The following STAB1 variants were observed in gnomAD, a reference collection of about 807,000 sequenced individuals.
The protein encoded by STAB1 is stabilin-1.
STAB1 carries 250 observed loss-of-function variants against 332.4 expected under a neutral mutation model. That is an observed-to-expected ratio of 0.75 (90% CI 0.68 to 0.84). The LOEUF (loss-of-function observed/expected upper bound fraction) is 0.84, where lower values mean the gene tolerates loss of function less well. Among genes scored for constraint, STAB1 ranks in the 40% least tolerant of loss-of-function variants. The pLI is 0.00. For synonymous variants in STAB1, 1,475 were observed against 1,390.4 expected (o/e 1.06, Z -1.35); for missense variants, 3,249 against 3,489.7 (o/e 0.93, Z 1.74).
In STAB1 at chr3:52,504,457, C is replaced by A. The variant is rs763459446; in HGVS notation, c.1151-4C>A. On this transcript the variant is annotated splice_region_variant and splice_polypyrimidine_tract_variant and intron_variant, in intron 10 of 68. Transcript: ENST00000321725. ...TTCTGATGCTCCCTCACCCTGCCCCCCAGACCAGGGCTGCCGGGAAATCCT... is the reference window on the plus strand; with the variant it reads ...TTCTGATGCTCCCTCACCCTGCCCCACAGACCAGGGCTGCCGGGAAATCCT... The A allele has an allele frequency of 4.3e-6, 7 of 1,613,810 alleles. No individual in the cohort carries two copies. In the African/African-American group the frequency reaches 6.7e-5, roughly 15 times the overall value.
rs1375163046 is a variant in STAB1 at position 52,520,623 on chromosome 3, T to G, written c.5650-19T>G. On this transcript the variant is annotated intron_variant, in intron 53 of 68. Coordinates refer to ENST00000321725, the MANE Select transcript of STAB1 (RefSeq NM_015136.3). ...GTCCATCCACCTGACTTTGCTGTAT[T>G]GGCCTCCCTCCCTTCCAGAACACCT... 1 of 1,612,346 alleles carries G rather than the reference T, an allele frequency of 6.2e-7. No homozygotes were observed. Among genetic ancestry groups the G allele is most frequent in the Admixed American group, 1.7e-5 (1 of 59,988 alleles).
At chr3:52,520,732 G>C in intron 54 of STAB1, 34 bp downstream of exon 54, 1 of 1,609,386 alleles carries the variant, frequency 6.2e-7, no homozygotes. Flanking sequence ...GGGTGGTGGG[G>C]TGGGGGCAGG....
In STAB1 at chr3:52,497,315, T is replaced by C. The variant is rs372694699; in HGVS notation, c.78+1824T>C. ...CCATGTTCAGACTTTTCTATGTACA[T>C]AGCATTTACATTGTATTCGGTATTA... On this transcript the variant is annotated intron_variant, in intron 1 of 68. Coordinates refer to ENST00000321725, the MANE Select transcript of STAB1 (RefSeq NM_015136.3). Among the ~76,000 whole-genome samples, 21 of 151,842 alleles carry C rather than the reference T, an allele frequency of 1.4e-4. No individual in the cohort carries two copies. The South Asian group carries it at 2.5e-3, about 18-fold the overall frequency.
chr3:52,518,228 A>G, intron 45 of STAB1, 84 bp from the exon 46 acceptor site: 1 of 1,592,922 alleles, frequency 6.3e-7, no homozygotes, highest in Non-Finnish European at 8.6e-7. Flanking sequence ...TGCCTTGGCT[A>G]GACCTTGGGC....
chr3:52,514,030 C>A, intron 32 of STAB1, 49 bp downstream of exon 32: 1 of 1,593,058 alleles, frequency 6.3e-7, no homozygotes, highest in Non-Finnish European at 8.6e-7. Flanking sequence ...GGACACTGTG[C>A]CCCAGGTCCA....
chr3:52,502,025 G>C lies in STAB1; in HGVS notation c.351G>C (p.Glu117Asp). 2 of 1,612,920 alleles carry C rather than the reference G, an allele frequency of 1.2e-6. No individual in the cohort carries two copies. Among genetic ancestry groups the C allele is most frequent in the Non-Finnish European group, 1.7e-6 (2 of 1,180,000 alleles). ...SRCHECPGGA[E>D]TPCNGHGTCL... ...CCACAGAATGCCCTGGGGGCGCTGA[G>C]ACCCCATGCAATGGCCACGGGACCT... is the stretch of plus-strand genomic sequence containing the variant. The change falls in exon 4 of 69, where the codon GAG becomes GAC. Residue 117 changes from glutamate to aspartate, a missense_variant. Coordinates refer to ENST00000321725, the MANE Select transcript of STAB1 (RefSeq NM_015136.3).
intron 10 of STAB1, 135 bp downstream of exon 10, chr3:52,504,290 G>T (rs534959434): frequency 6.9e-7 from 1 of 1,448,874 alleles, no homozygotes; most frequent in African/African-American, 1.4e-5. Flanking sequence ...TGTGGGGGGT[G>T]CATGCAGGGG....
Position 52,512,433 on chromosome 3 carries a change from C to G in STAB1, c.2976C>G (p.Phe992Leu), listed in dbSNP as rs1709364828. 6.2e-7 allele frequency: 1 copy of G among 1,610,200 alleles called. No individual in the cohort carries two copies. The highest frequency in any genetic ancestry group is 1.3e-5 in the African/African-American group (1 of 74,648). ...GDGFSCYGDI[F>L]RELEANAHFS... is the part of the protein sequence containing the mutation. Reference sequence around the variant, plus strand: ...GCTTCAGCTGTTATGGAGACATCTTCCGGGTAAGGGGTGCTCAGACTCGTT... The same window carrying G: ...GCTTCAGCTGTTATGGAGACATCTTGCGGGTAAGGGGTGCTCAGACTCGTT... Residue 992 changes from phenylalanine to leucine, a missense_variant, in exon 27 of 69, where the codon TTC becomes TTG. By Grantham distance (22) the Phe-to-Leu change is conservative (BLOSUM62 0). Transcript: ENST00000321725.
At chr3:52,517,800 T>C (rs2078924351) in intron 44 of STAB1, 81 bp from the exon 45 acceptor site, 1 of 1,600,782 alleles carries the variant, frequency 6.2e-7, no homozygotes, top group East Asian at 2.2e-5. Context: ...GCAGGGGCCT[T>C]CATGGCCTCT....
At chr3:52,509,786 C>T in intron 22 of STAB1, 84 bp from the exon 23 acceptor site, 2 of 1,500,616 alleles carry the variant, frequency 1.3e-6, no homozygotes, top group Non-Finnish European at 1.8e-6. Context: ...TGCCCCACTC[C>T]CTATATCCCC....
In STAB1 at chr3:52,519,708, C is replaced by T. The variant is rs553417959; in HGVS notation, c.5235+144C>T. ...TGTGTGAACTCATGTGTGCACAAGC[C>T]ACATCTGTGTGCATGTGCACCCCAG... On this transcript the variant is annotated intron_variant, in intron 50 of 68. Coordinates refer to ENST00000321725, the MANE Select transcript of STAB1 (RefSeq NM_015136.3). 21 of 1,298,608 alleles carry T rather than the reference C, an allele frequency of 1.6e-5. No individual in the cohort carries two copies. In the East Asian group the frequency reaches 4.0e-4, roughly 25 times the overall value. The allele number at this position is 1,298,608 out of a possible 1,614,324, so 80.4% of individuals were successfully genotyped here.
rs371279224 is a variant in STAB1 at position 52,508,036 on chromosome 3, G to C, written c.2148+10G>C. 13 of 1,611,848 alleles carry C rather than the reference G, an allele frequency of 8.1e-6. No individual in the cohort carries two copies. The East Asian group carries it at 2.0e-4, about 25-fold the overall frequency. On this transcript the variant is annotated intron_variant, in intron 20 of 68. Transcript: ENST00000321725. ...CAACCAAACCATCATGGTAAGCGTG[G>C]GCATGGGTGCCCACTCCCAGGTCAC...
rs773453719 is a variant in STAB1, at chr3:52,518,813, G to A, written c.4978G>A (p.Glu1660Lys). 6.2e-7 allele frequency: 1 copy of A among 1,611,090 alleles called. No homozygotes were observed. Among genetic ancestry groups the A allele is most frequent in the Non-Finnish European group, 8.5e-7 (1 of 1,179,656 alleles). The part of the protein sequence containing the change: ...CRRLRSEDLL[E>K]QGYATALSGH... ...GCGGCTGCGGAGCGAGGACCTGCTG[G>A]AGCAGGGGTACGCCACGGCCCTCTC... The change falls in exon 48 of 69, where the codon GAG becomes AAG. Residue 1660 changes from glutamate (E) to lysine (K), a missense_variant. Physicochemically the swap from Glu to Lys is moderately conservative, Grantham distance 56 (BLOSUM62 1). Coordinates refer to ENST00000321725, the MANE Select transcript of STAB1 (RefSeq NM_015136.3).
Position 52,501,721 on chromosome 3 carries a change from G to C in STAB1, c.299G>C (p.Cys100Ser). 1 of 1,573,056 alleles carries C rather than the reference G, an allele frequency of 6.4e-7. No homozygotes were observed. Among genetic ancestry groups the C allele is most frequent in the Non-Finnish European group, 8.6e-7 (1 of 1,160,018 alleles). ...KCRKQVVQKA[C>S]CPGYWGSRCH... is the part of the protein sequence containing the mutation. ...CGGAAGCAAGTGGTGCAGAAGGCCTGCTGCCCTGGCTACTGGGGTTCCCGG... is the reference window on the plus strand; with the variant it reads ...CGGAAGCAAGTGGTGCAGAAGGCCTCCTGCCCTGGCTACTGGGGTTCCCGG... The change falls in exon 3 of 69, where the codon TGC becomes TCC. Residue 100 changes from cysteine (C) to serine (S), a missense_variant. Cys to Ser is a moderately radical substitution (Grantham distance 112, BLOSUM62 -1). Transcript: ENST00000321725.
intron 67 of STAB1, 36 bp from the exon 68 acceptor site, chr3:52,524,064 G>T (rs773600589): frequency 6.2e-7 from 1 of 1,612,802 alleles, no homozygotes; most frequent in Non-Finnish European, 8.5e-7. Context: ...GATCTCGCTT[G>T]AGGCGCCTCG....
rs1369390990 is a variant in STAB1, at chr3:52,517,021, C to T, written c.4401C>T (p.Ser1467=). ...DPCAHGHGGC[S]PHANCTKVAP... ...GCGCCCACGGCCATGGGGGCTGCTC[C>T]CCTCATGCCAACTGTACCAAGGTGG... The change falls in exon 42 of 69, where the codon TCC becomes TCT. Residue 1467 remains serine, a synonymous_variant. Coordinates refer to ENST00000321725, the MANE Select transcript of STAB1 (RefSeq NM_015136.3). 2 of 1,608,558 alleles carry T rather than the reference C, an allele frequency of 1.2e-6. No homozygotes were observed. The highest frequency in any genetic ancestry group is 3.4e-5 in the Admixed American group (2 of 59,374).
Position 52,522,797 on chromosome 3 carries a change from T to C in STAB1, c.6767T>C (p.Met2256Thr), listed in dbSNP as rs368505527. 6 of 1,613,244 alleles carry C rather than the reference T, an allele frequency of 3.7e-6. No individual in the cohort carries two copies. The African/African-American group carries it at 8.0e-5, about 21-fold the overall frequency. The change falls in exon 62 of 69, where the codon ATG (methionine) becomes ACG (threonine). Residue 2256 changes from methionine to threonine, a missense_variant. Transcript: ENST00000321725. The part of the protein sequence containing the change: ...AQQLGFHLCL[M>T]GWLANGSTAH... ...CAGCTGGGCTTCCACCTGTGCCTCA[T>C]GGGCTGGCTGGCCAATGGCTCCACT...
chr3:52,504,928 G>T (rs1377451860), intron 12 of STAB1, 52 bp downstream of exon 12: 1 of 1,613,072 alleles, frequency 6.2e-7, no homozygotes, highest in Non-Finnish European at 8.5e-7. Flanking sequence ...CCTGGCAAGG[G>T]TGTGCAGGTG....
chr3:52,501,909 T>C (rs2153232928), intron 3 of STAB1, 97 bp from the exon 4 acceptor site: 3 of 1,505,046 alleles, frequency 2.0e-6, no homozygotes, highest in Non-Finnish European at 2.7e-6. Flanking sequence ...TCTTGCTTCC[T>C]TGGGGGAGGG....
Sources: allele counts gnomAD v4.1 joint callset (sites outside exome capture counted in the v4.1 genomes callset), GRCh38; gene constraint gnomAD v4.1.1; transcripts MANE v1.5; gene names NCBI Gene and HGNC (gene_info 2026-07-23, HGNC 2026-07-21).